ZFR: variants seen among roughly 807,000 people sequenced by gnomAD.
ZFR encodes zinc finger RNA-binding protein.
Under a neutral mutation model 130.7 loss-of-function variants are expected in ZFR, and 19 were observed. The ratio of observed to expected loss-of-function variants is 0.15; its 90% CI spans 0.10 to 0.21. The LOEUF is 0.21. Among genes scored for constraint, ZFR ranks in the 10% least tolerant of loss-of-function variants. The pLI is 1.00. For missense variants in ZFR, 872 were observed against 1,321.5 expected (o/e 0.66, Z 5.27); for synonymous variants, 466 against 456.9 (o/e 1.02, Z -0.25).
rs1752486816 is a variant in ZFR, at chr5:32,364,011, A to T, written c.2982T>A (p.Asp994Glu). ...TCATTGTTGCCAAGGTATCAAAGGG[A>T]TCCTTTTCACAAGGATCCAGAAGTC... ...SPGLLDPCEK[D>E]PFDTLATMTD... The change falls in exon 19 of 20, where the codon GAT becomes GAA. Residue 994 changes from aspartate (D) to glutamate (E), a missense_variant. Physicochemically the swap from Asp to Glu is conservative, Grantham distance 45 (BLOSUM62 2). Coordinates refer to ENST00000265069, the MANE Select transcript of ZFR (RefSeq NM_016107.5). The T allele has an allele frequency of 6.2e-7, 1 of 1,614,016 alleles. No homozygotes were observed. The highest frequency in any genetic ancestry group is 1.3e-5 in the African/African-American group (1 of 74,916).
At chr5:32,420,261 TATTCAATATC>T (rs1182244475) in intron 2 of ZFR, among the ~76,000 whole-genome samples, 158 bp from the exon 3 acceptor site, 1 of 152,216 alleles carries the variant, frequency 6.6e-6, no homozygotes. Flanking sequence ...ATAAACTTCC[TATTCAATATC>T]ATATTTATTA....
chr5:32,443,598 C>G (rs749456156), intron 2 of ZFR, among the ~76,000 whole-genome samples: 2 of 152,266 alleles, frequency 1.3e-5, no homozygotes, highest in African/African-American at 4.8e-5. Flanking sequence ...GCAGGAAAAA[C>G]TAAAGGAACC....
chr5:32,415,485 AGTGTGTGTGT>A (rs3065262), intron 4 of ZFR, among the ~76,000 whole-genome samples: 20 of 136,318 alleles, frequency 1.5e-4, no homozygotes, highest in African/African-American at 4.4e-4. Flanking sequence ...TCTGAAAAGG[AGTGTGTGTGT>A]GTGTGTGTGT....
At chr5:32,427,683 C>T (rs1196812081) in intron 2 of ZFR, among the ~76,000 whole-genome samples, 1 of 152,028 alleles carries the variant, frequency 6.6e-6, no homozygotes, top group Non-Finnish European at 1.5e-5. Context: ...AATAGCAAAA[C>T]AACCTTAAAA....
intron 11 of ZFR, among the ~76,000 whole-genome samples, chr5:32,393,488 C>A (rs1753227729): frequency 6.6e-6 from 1 of 152,098 alleles, no homozygotes; most frequent in African/African-American, 2.4e-5. Flanking sequence ...GAATTACAGG[C>A]ATGCGCCACC....
chr5:32,415,248 G>A, intron 4 of ZFR, 61 bp from the exon 5 acceptor site: 1 of 1,341,796 alleles, frequency 7.5e-7, no homozygotes, highest in Non-Finnish European at 1.0e-6. Context: ...TACTGTACCA[G>A]TATCCTTAAA....
At chr5:32,356,662 G>A (rs966923917) in intron 19 of ZFR, among the ~76,000 whole-genome samples, 3 of 151,692 alleles carry the variant, frequency 2.0e-5, no homozygotes, top group South Asian at 2.1e-4. Flanking sequence ...CTCGTGATCC[G>A]CCCGCCTCGG....
intron 17 of ZFR, among the ~76,000 whole-genome samples, chr5:32,365,461 C>A (rs1455199977): frequency 1.3e-5 from 2 of 151,886 alleles, no homozygotes; most frequent in African/African-American, 2.4e-5. Flanking sequence ...TTGGAAAAAA[C>A]CTGAAAATAA....
Position 32,419,849 on chromosome 5 carries a change from G to C in ZFR, c.392C>G (p.Pro131Arg). Residue 131 changes from proline to arginine, a missense_variant, in exon 3 of 20, where the codon CCA (proline) becomes CGA (arginine). Physicochemically the swap from Pro to Arg is moderately radical, Grantham distance 103. Transcript: ENST00000265069. Reference protein sequence around the residue: ...TQRQQEAPPPPPPATTQNYQD... With the variant: ...TQRQQEAPPPRPPATTQNYQD... ...GTAGTTTTGTGTAGTAGCTGGGGGT[G>C]GTGGTGGTGGTGCTTCTTGTTGCCT... The C allele has an allele frequency of 2.5e-6, 4 of 1,607,214 alleles. No individual in the cohort carries two copies. The highest frequency in any genetic ancestry group is 3.4e-6 in the Non-Finnish European group (4 of 1,174,674).
At chr5:32,372,848 A>G (rs1280824277) in intron 17 of ZFR, among the ~76,000 whole-genome samples, 1 of 152,106 alleles carries the variant, frequency 6.6e-6, no homozygotes, top group Non-Finnish European at 1.5e-5. Context: ...AAAACAAACA[A>G]AACAAACAAA....
At chr5:32,436,212 G>A (rs1443248755) in intron 2 of ZFR, among the ~76,000 whole-genome samples, 2 of 138,328 alleles carry the variant, frequency 1.4e-5, no homozygotes, top group African/African-American at 2.7e-5. Flanking sequence ...GCAGTGGCGC[G>A]ATCTCGGCTC....
At chr5:32,405,306 A>C (rs887987809) in intron 6 of ZFR, among the ~76,000 whole-genome samples, 3 of 152,212 alleles carry the variant, frequency 2.0e-5, no homozygotes, top group African/African-American at 7.2e-5. Flanking sequence ...CCAGGACTGC[A>C]ATCTTGGCCC....
chr5:32,397,338 C>T lies in ZFR; in HGVS notation c.1714G>A (p.Val572Ile), dbSNP rs887502207. 1.2e-6 allele frequency: 2 copies of T among 1,607,726 alleles called. No homozygotes were observed. The highest frequency in any genetic ancestry group is 1.7e-5 in the Admixed American group (1 of 58,410). ...QPVGHDYVEE[V>I]RNDEGKVIRF... Reference sequence around the variant, plus strand: ...ATTACTTTTCCTTCATCATTTCGTACCTTGGTGTGGAAAAAAAATTCAAGA... The same window carrying T: ...ATTACTTTTCCTTCATCATTTCGTATCTTGGTGTGGAAAAAAAATTCAAGA... The change falls in exon 10 of 20, where the codon GTA (valine) becomes ATA (isoleucine). Residue 572 changes from valine (V) to isoleucine (I), a missense_variant and splice_region_variant. Physicochemically the swap from Val to Ile is conservative, Grantham distance 29. Transcript: ENST00000265069.
At chr5:32,437,308 G>C (rs759578776) in intron 2 of ZFR, among the ~76,000 whole-genome samples, 2 of 152,006 alleles carry the variant, frequency 1.3e-5, no homozygotes, top group African/African-American at 4.8e-5. Context: ...TGAAAGCAGG[G>C]ACTATGCATA....
rs1382546184 is a variant in ZFR at position 32,401,397 on chromosome 5, G to T, written c.1517-1194C>A. On this transcript the variant is annotated intron_variant, in intron 8 of 19. Transcript: ENST00000265069. ...AGAAGGAGCCACCACCCTTTAACAT[G>T]ATCCAGTAAGGAAAGGTTTCACAAA... is the stretch of plus-strand genomic sequence containing the variant. Among the ~76,000 whole-genome samples the T allele has an allele frequency of 3.3e-5, 5 of 152,308 alleles. No homozygotes were observed. In the East Asian group the frequency reaches 9.6e-4, roughly 29 times the overall value.
chr5:32,355,874 T>C lies in ZFR; in HGVS notation c.3111A>G (p.Gln1037=). 1.9e-6 allele frequency: 3 copies of C among 1,612,232 alleles called. No homozygotes were observed. The highest frequency in any genetic ancestry group is 2.2e-5 in the East Asian group (1 of 44,670). ...HKVLGMDPLP[Q]MSQRFNIHNN... ...TGTGGATGTTAAAACGTTGGCTCAT[T>C]TGCGGTAATGGATCCATGCCTAGAA... The change falls in exon 20 of 20, where the codon CAA becomes CAG. Residue 1037 remains glutamine, a synonymous_variant. Coordinates refer to ENST00000265069, the MANE Select transcript of ZFR (RefSeq NM_016107.5).
At chr5:32,379,392 T>G (rs1289353808) in intron 16 of ZFR, 182 bp from the exon 17 acceptor site, 1 of 637,870 alleles carries the variant, frequency 1.6e-6, no homozygotes, top group Non-Finnish European at 2.8e-6. Flanking sequence ...GGTTAGTATT[T>G]AAAAGCTGGT....
intron 14 of ZFR, 38 bp from the exon 15 acceptor site, chr5:32,385,687 T>C (rs1753029370): frequency 3.1e-6 from 5 of 1,606,224 alleles, no homozygotes; most frequent in African/African-American, 2.7e-5. Context: ...ATTGGATCTG[T>C]TGTATTAACA....
chr5:32,420,944 GT>G (rs34579931), intron 2 of ZFR, among the ~76,000 whole-genome samples: 1 of 152,146 alleles, frequency 6.6e-6, no homozygotes, highest in Non-Finnish European at 1.5e-5. Context: ...ATAATAGCAT[GT>G]TTTGTAAAAG....
Sources: gnomAD v4.1 joint callset for allele counts (sites outside exome capture counted in the v4.1 genomes callset) on GRCh38, gnomAD v4.1.1 for gene constraint, MANE v1.5 for transcripts, NCBI Gene and HGNC (gene_info 2026-07-23, HGNC 2026-07-21) for gene names.